PCDHGA5: variants seen among roughly 807,000 people sequenced by gnomAD.
PCDHGA5 encodes protocadherin gamma-A5.
Under a neutral mutation model 56.7 loss-of-function variants are expected in PCDHGA5, and 36 were observed. That is an observed-to-expected ratio of 0.64 (90% confidence interval 0.49 to 0.84). The LOEUF (loss-of-function observed/expected upper bound fraction) is 0.84, where lower values mean the gene tolerates loss of function less well. Among genes scored for constraint, PCDHGA5 ranks in the 40% least tolerant of loss-of-function variants. The pLI is 0.00. For missense variants in PCDHGA5, 1,305 were observed against 1,201.5 expected (o/e 1.09, Z -1.27); for synonymous variants, 563 against 520.2 (o/e 1.08, Z -1.12).
At chr5:141,480,525 A>G (rs191522157) in intron 1 of PCDHGA5, among the ~76,000 whole-genome samples, 131 of 152,310 alleles carry the variant, frequency 8.6e-4, no homozygotes, top group African/African-American at 2.6e-3. Context: ...AAAAATGACA[A>G]AGTAGAAGCA....
chr5:141,498,930 C>T (rs2099786911), intron 2 of PCDHGA5, among the ~76,000 whole-genome samples: 1 of 121,364 alleles, frequency 8.2e-6, no homozygotes, highest in Non-Finnish European at 1.6e-5. Flanking sequence ...GAGACTCCAT[C>T]AGGAAAGAAA....
At chr5:141,375,557 G>A in intron 1 of PCDHGA5, 1 of 1,613,988 alleles carries the variant, frequency 6.2e-7, no homozygotes, top group Non-Finnish European at 8.5e-7. Context: ...CTACTCACTG[G>A]CAGAAGACAC....
chr5:141,366,636 T>A lies in PCDHGA5; in HGVS notation c.2306T>A (p.Ile769Asn), dbSNP rs374724936. The change falls in exon 1 of 4, where the codon ATC (isoleucine) becomes AAC (asparagine). Residue 769 changes from isoleucine (I) to asparagine (N), a missense_variant. By Grantham distance (149) the Ile-to-Asn change is moderately radical. Coordinates refer to ENST00000518069, the MANE Select transcript of PCDHGA5 (RefSeq NM_018918.3). ...LTADSRKSHL[I>N]FPQPNYADTL... The stretch of plus-strand genomic sequence containing the variant: ...GCGGACTCGAGGAAGAGTCACCTGA[T>A]CTTTCCCCAGCCCAACTACGCAGAC... 1.5e-5 allele frequency: 24 copies of A among 1,614,122 alleles called. No homozygotes were observed. In the African/African-American group the frequency reaches 2.7e-4, roughly 18 times the overall value.
rs758463890 is a variant in PCDHGA5 at position 141,394,966 on chromosome 5, G to A, written c.2421+28215G>A. On this transcript the variant is annotated intron_variant, in intron 1 of 3. Coordinates refer to ENST00000518069, the MANE Select transcript of PCDHGA5 (RefSeq NM_018918.3). ...GTGCTTCTGGGGCTCAGGCTGAGGCGCTGGCACAAGTCACGCCTGCTCCAG... is the reference window on the plus strand; with the variant it reads ...GTGCTTCTGGGGCTCAGGCTGAGGCACTGGCACAAGTCACGCCTGCTCCAG... 11 of 1,613,768 alleles carry A rather than the reference G, an allele frequency of 6.8e-6. No homozygotes were observed. In the African/African-American group the frequency reaches 9.3e-5, roughly 14 times the overall value.
At chr5:141,503,620 A>C (rs1475731896) in intron 2 of PCDHGA5, among the ~76,000 whole-genome samples, 1 of 152,026 alleles carries the variant, frequency 6.6e-6, no homozygotes, top group East Asian at 1.9e-4. Flanking sequence ...AAAAAGAAAA[A>C]AGAAAAGAAA....
Position 141,432,405 on chromosome 5 carries a change from GC to G in PCDHGA5, c.2422-62400del. On this transcript the variant is annotated intron_variant, in intron 1 of 3. Coordinates refer to ENST00000518069, the MANE Select transcript of PCDHGA5 (RefSeq NM_018918.3). This position sits in a 1 kb window ranked among gnomAD's most constrained non-coding sequence, Gnocchi z 6.0. ...CCCCTCAGCAGCAACGTGTCGTTGA[GC>G]CTGTTCGTGCTGGACCAGAACGACA... The G allele has an allele frequency of 6.2e-7, 1 of 1,614,246 alleles. No individual in the cohort carries two copies. Among genetic ancestry groups the G allele is most frequent in the South Asian group, 1.1e-5 (1 of 91,084 alleles).
chr5:141,390,730 A>G (rs964390196), intron 1 of PCDHGA5: 1 of 195,852 alleles, frequency 5.1e-6, no homozygotes, highest in African/African-American at 2.4e-5. Flanking sequence ...TTTAACTGGT[A>G]TGGTCTCCAT....
In PCDHGA5 at chr5:141,376,687, T is replaced by G. The variant is rs1033908230; in HGVS notation, c.2421+9936T>G. On this transcript the variant is annotated intron_variant, in intron 1 of 3. Coordinates refer to ENST00000518069, the MANE Select transcript of PCDHGA5 (RefSeq NM_018918.3). ...CAGGTGAGGGTATCGTTTTTTTTTT[T>G]TTTTTTTTTTGAGACGGAGTCTCGC... The G allele has an allele frequency of 1.3e-4, 108 of 822,468 alleles. 3 individuals are homozygous for G. The highest frequency in any genetic ancestry group is 8.8e-4 in the East Asian group (32 of 36,212). 50.9% of individuals were successfully genotyped at this position (822,468 alleles called of 1,614,324 possible).
intron 1 of PCDHGA5, chr5:141,422,218 A>T: frequency 1.3e-6 from 2 of 1,564,130 alleles, no homozygotes; most frequent in Non-Finnish European, 8.6e-7. Flanking sequence ...TCTCTTTACC[A>T]CCACGACGAT....
chr5:141,411,921 T>C (rs1426892834), intron 1 of PCDHGA5: 1 of 152,234 alleles, frequency 6.6e-6, no homozygotes, highest in Non-Finnish European at 1.5e-5. Context: ...TCAGTCTCTG[T>C]CTCTGATTCT....
chr5:141,505,891 G>A (rs541853565), intron 3 of PCDHGA5, among the ~76,000 whole-genome samples: 9 of 152,288 alleles, frequency 5.9e-5, no homozygotes, highest in Admixed American at 5.9e-4. Context: ...GATTAAATGA[G>A]ATGATACCAC....
At chr5:141,382,871 G>C (rs764156663) in intron 1 of PCDHGA5, 22 of 1,520,388 alleles carry the variant, frequency 1.4e-5, no homozygotes, top group Admixed American at 8.9e-5. Flanking sequence ...TCCCGAGATC[G>C]GCGCCTAAGC....
intron 1 of PCDHGA5, chr5:141,409,138 A>T: frequency 6.2e-7 from 1 of 1,614,046 alleles, no homozygotes; most frequent in South Asian, 1.1e-5. Context: ...TTGAAGATGT[A>T]GAAAGGTACA....
At chr5:141,408,691 C>T (rs1013098114) in intron 1 of PCDHGA5, 1 of 1,613,854 alleles carries the variant, frequency 6.2e-7, no homozygotes, top group Non-Finnish European at 8.5e-7. Flanking sequence ...CTGATATAAA[C>T]ATAAACTCAA....
In PCDHGA5 at chr5:141,477,155, G is replaced by A. The variant is rs2099406190; in HGVS notation, c.2422-17652G>A. ...GTTGGTGGAGGTTGTGGATGTGAATGACAACGCCCCGGAGATCACAGTCAC... is the reference window on the plus strand; with the variant it reads ...GTTGGTGGAGGTTGTGGATGTGAATAACAACGCCCCGGAGATCACAGTCAC... On this transcript the variant is annotated intron_variant, in intron 1 of 3. Coordinates refer to ENST00000518069, the MANE Select transcript of PCDHGA5 (RefSeq NM_018918.3). The surrounding 1 kb of genome is among the most constrained non-coding windows in gnomAD (Gnocchi z 4.9). The A allele has an allele frequency of 6.2e-7, 1 of 1,614,190 alleles. No individual in the cohort carries two copies. The highest frequency in any genetic ancestry group is 8.5e-7 in the Non-Finnish European group (1 of 1,180,042).
chr5:141,429,232 G>T (rs938585192), intron 1 of PCDHGA5: 2 of 151,668 alleles, frequency 1.3e-5, no homozygotes, highest in Non-Finnish European at 2.9e-5. Flanking sequence ...TTATGATACT[G>T]CTGTCATTGA....
chr5:141,404,225 A>G, intron 1 of PCDHGA5: 6 of 1,613,828 alleles, frequency 3.7e-6, no homozygotes, highest in Non-Finnish European at 5.1e-6. Context: ...GGTGACTGCA[A>G]CAGACAGAGG....
intron 1 of PCDHGA5, chr5:141,374,744 G>A: frequency 1.2e-6 from 2 of 1,611,982 alleles, no homozygotes; most frequent in East Asian, 2.2e-5. Context: ...CGGCGACCCT[G>A]TCCGCTCAAG....
rs1312182657 is a variant in PCDHGA5 at position 141,406,777 on chromosome 5, CTT to C, written c.2421+40027_2421+40028del. Among the ~76,000 whole-genome samples the C allele has an allele frequency of 2.0e-5, 3 of 152,268 alleles. No individual in the cohort carries two copies. The East Asian group carries it at 5.8e-4, about 29-fold the overall frequency. On this transcript the variant is annotated intron_variant, in intron 1 of 3. Coordinates refer to ENST00000518069, the MANE Select transcript of PCDHGA5 (RefSeq NM_018918.3). ...CAAGGAATTAAAAATATTTCTCTCA[CTT>C]ATATATTATTTCTGGCTCAATTCTC...
Sources: gnomAD v4.1 joint callset for allele counts (sites outside exome capture counted in the v4.1 genomes callset) on GRCh38, gnomAD v4.1.1 for gene constraint, Gnocchi (gnomAD v3.1) non-coding constraint, MANE v1.5 for transcripts, NCBI Gene and HGNC (gene_info 2026-07-23, HGNC 2026-07-21) for gene names.